The following GCNT4 variants were observed in gnomAD, a reference collection of about 807,000 sequenced individuals.
GCNT4 encodes glucosaminyl (N-acetyl) transferase 4.
GCNT4 carries 17 observed loss-of-function variants against 31.3 expected under a neutral mutation model. The observed-to-expected ratio is 0.54, with a 90% CI of 0.37 to 0.81. The LOEUF (loss-of-function observed/expected upper bound fraction) is 0.81, where lower values mean the gene tolerates loss of function less well. GCNT4 is among the 40% of genes least tolerant of loss of function. The pLI is 0.00. For missense variants in GCNT4, 503 were observed against 525.5 expected (o/e 0.96, Z 0.42); for synonymous variants, 158 against 190.6 (o/e 0.83, Z 1.41).
intron 2 of GCNT4, among the ~76,000 whole-genome samples, chr5:75,049,870 C>A (rs979729554): frequency 3.9e-5 from 6 of 152,164 alleles, no homozygotes; most frequent in Non-Finnish European, 8.8e-5. Context: ...ACATTCTCTA[C>A]GTTTCAGATT....
chr5:75,049,028 T>C (rs1743508519), intron 2 of GCNT4, among the ~76,000 whole-genome samples: 1 of 152,242 alleles, frequency 6.6e-6, no homozygotes, highest in Admixed American at 6.5e-5. Flanking sequence ...TAGTTTGTTT[T>C]TGTAATACTC....
intron 3 of GCNT4, among the ~76,000 whole-genome samples, chr5:75,043,063 A>C (rs1743354856): frequency 1.3e-5 from 2 of 152,210 alleles, no homozygotes; most frequent in South Asian, 4.1e-4. Flanking sequence ...ATCTCCTACA[A>C]GGATCCCTTC....
chr5:75,051,591 C>T (rs1743570114), intron 2 of GCNT4, among the ~76,000 whole-genome samples: 1 of 152,130 alleles, frequency 6.6e-6, no homozygotes, highest in African/African-American at 2.4e-5. Context: ...GCTCTCTCTC[C>T]CTCTCCCTTC....
intron 3 of GCNT4, among the ~76,000 whole-genome samples, chr5:75,044,910 G>C (rs1320265873): frequency 1.3e-5 from 2 of 152,168 alleles, no homozygotes; most frequent in Non-Finnish European, 1.5e-5. Flanking sequence ...AGGGCAGAAT[G>C]AAAGAGCTCT....
chr5:75,032,363 A>G (rs1402796892), intron 3 of GCNT4, among the ~76,000 whole-genome samples: 1 of 152,116 alleles, frequency 6.6e-6, no homozygotes, highest in African/African-American at 2.4e-5. Flanking sequence ...GCTTCCTGAT[A>G]TCCCACAGGC....
Position 75,026,718 on chromosome 5 carries a change from G to C in GCNT4, c.*1958C>G, listed in dbSNP as rs1435332402. ...TAGGCATCCAAGTGCTCATTTCAAA[G>C]ATCTGGAAAACTGAGGTTCATAGAG... On this transcript the variant is annotated 3_prime_UTR_variant, in exon 4 of 4. Transcript: ENST00000652361. The C allele has an allele frequency of 7.3e-6, 1 of 137,728 alleles. No individual in the cohort carries two copies. Among genetic ancestry groups the C allele is most frequent in the Non-Finnish European group, 1.5e-5 (1 of 65,604 alleles). The allele number at this position is 137,728 out of a possible 1,614,324, so 8.5% of individuals were successfully genotyped here.
At chr5:75,041,333 C>A (rs1273792466) in intron 3 of GCNT4, among the ~76,000 whole-genome samples, 1 of 152,202 alleles carries the variant, frequency 6.6e-6, no homozygotes, top group Non-Finnish European at 1.5e-5. Context: ...AATTGAGATG[C>A]CCTCAACTAA....
intron 3 of GCNT4, among the ~76,000 whole-genome samples, chr5:75,038,916 G>A (rs1007720870): frequency 4.6e-5 from 7 of 152,080 alleles, no homozygotes; most frequent in Admixed American, 1.3e-4. Context: ...CCTTACGGTG[G>A]CATTTGGTCC....
At chr5:75,043,051 C>T (rs1024944252) in intron 3 of GCNT4, among the ~76,000 whole-genome samples, 1 of 152,192 alleles carries the variant, frequency 6.6e-6, no homozygotes, top group Non-Finnish European at 1.5e-5. Flanking sequence ...TCTCCAACAG[C>T]CATCTCCTAC....
chr5:75,020,780 T>A (rs759777194), downstream of GCNT4, among the ~76,000 whole-genome samples: 10 of 152,218 alleles, frequency 6.6e-5, no homozygotes, highest in Non-Finnish European at 1.3e-4. Context: ...TGGTTCAATC[T>A]ATTATTAACA....
chr5:75,029,891 G>A lies in GCNT4; in HGVS notation c.147C>T (p.Ser49=). The A allele has an allele frequency of 6.2e-7, 1 of 1,614,062 alleles. No homozygotes were observed. The highest frequency in any genetic ancestry group is 8.5e-7 in the Non-Finnish European group (1 of 1,180,002). Residue 49 remains serine, a synonymous_variant, in exon 4 of 4, where the codon TCC becomes TCT. Coordinates refer to ENST00000652361, the MANE Select transcript of GCNT4 (RefSeq NM_001366737.1). The stretch of plus-strand genomic sequence containing the variant: ...TTCTTACAAAAGGCGAGGTACTTAG[G>A]GAGTACTCAACCAAGTAAATGTCTT... The part of the protein sequence containing the change: ...PQKDIYLVEY[S]LSTSPFVRNR...
the GCNT4 span, among the ~76,000 whole-genome samples, chr5:75,020,326 T>C: frequency 6.6e-6 from 1 of 151,544 alleles, no homozygotes; most frequent in South Asian, 2.1e-4. Flanking sequence ...AGAGAGAGAG[T>C]AATGCTGGGG....
chr5:75,040,199 TTGA>T (rs1352854921), intron 3 of GCNT4, among the ~76,000 whole-genome samples: 1 of 151,752 alleles, frequency 6.6e-6, no homozygotes, highest in Non-Finnish European at 1.5e-5. Flanking sequence ...TTTTTTTTTT[TTGA>T]GAGTCTCGCA....
chr5:75,051,181 G>C (rs1743562098), intron 2 of GCNT4, among the ~76,000 whole-genome samples: 1 of 152,026 alleles, frequency 6.6e-6, no homozygotes, highest in African/African-American at 2.4e-5. Flanking sequence ...CTCCCCCATG[G>C]CTGCTTAGTT....
chr5:75,050,901 T>C (rs1449198213), intron 2 of GCNT4, among the ~76,000 whole-genome samples: 3 of 152,124 alleles, frequency 2.0e-5, no homozygotes. Context: ...AAGTCCATTC[T>C]CCACGGGGCA....
At chr5:75,051,843 C>T (rs976579218) in intron 2 of GCNT4, among the ~76,000 whole-genome samples, 4 of 152,174 alleles carry the variant, frequency 2.6e-5, no homozygotes, top group African/African-American at 9.7e-5. Context: ...GCAGGAAACT[C>T]CTTTCAGTCT....
Position 75,029,516 on chromosome 5 carries a change from A to C in GCNT4, c.522T>G (p.Val174=). 6.2e-7 allele frequency: 1 copy of C among 1,614,156 alleles called. No individual in the cohort carries two copies. The change falls in exon 4 of 4, where the codon GTT becomes GTG. Residue 174 remains valine (V), a synonymous_variant. Transcript: ENST00000652361. ...YDRKAPDTFK[V]AMNNLAKCFS... is the part of the protein sequence containing the mutation. The stretch of plus-strand genomic sequence containing the variant: ...AGCACTTAGCTAAATTGTTCATGGC[A>C]ACTTTGAAGGTATCAGGTGCCTTAC...
At position 75,028,397 on chromosome 5, in the gene GCNT4, T is replaced by C. The variant is rs553939599; in HGVS notation, c.*279A>G. The C allele has an allele frequency of 6.0e-4, 227 of 381,168 alleles. 1 individual carries two copies. Among genetic ancestry groups the C allele is most frequent in the African/African-American group, 4.3e-3 (205 of 47,542 alleles). The allele number at this position is 381,168 out of a possible 1,614,324, so 23.6% of individuals were successfully genotyped here. A position where few individuals can be genotyped will look rare whatever the true frequency, so the allele number is the denominator to read the frequency against. On this transcript the variant is annotated 3_prime_UTR_variant, in exon 4 of 4. Coordinates refer to ENST00000652361, the MANE Select transcript of GCNT4 (RefSeq NM_001366737.1). ...GCAGTCTCTAAAAAAGTGCCTGTCA[T>C]ATAGTTAGGTGCTCAATAATGTTTG...
Position 75,029,700 on chromosome 5 carries a change from T to G in GCNT4, c.338A>C (p.Tyr113Ser). ...TTGAGCATAACCTCTTAGAGTCTGA[T>G]AAATGTCACAATCACTGGTCATTGC... ...VVAMTSDCDI[Y>S]QTLRGYAQKL... is the part of the protein sequence containing the mutation. The change falls in exon 4 of 4, where the codon TAT becomes TCT. Residue 113 changes from tyrosine to serine, a missense_variant. Transcript: ENST00000652361. The G allele has an allele frequency of 1.2e-6, 2 of 1,614,172 alleles. No individual in the cohort carries two copies. Among genetic ancestry groups the G allele is most frequent in the Non-Finnish European group, 1.7e-6 (2 of 1,180,026 alleles).
Sources: allele counts gnomAD v4.1 joint callset (sites outside exome capture counted in the v4.1 genomes callset), GRCh38; gene constraint gnomAD v4.1.1; transcripts MANE v1.5; gene names NCBI Gene and HGNC (gene_info 2026-07-23, HGNC 2026-07-21).